Variants in ZFHX3 observed in about 807,000 individuals in gnomAD.
ZFHX3 encodes zinc finger homeobox protein 3.
A neutral mutation model predicts 279.1 loss-of-function variants in ZFHX3; 42 were observed. The observed-to-expected ratio is 0.15, with a 90% CI of 0.12 to 0.19. ZFHX3 has a LOEUF of 0.19. ZFHX3 is among the 10% of genes least tolerant of loss of function. ZFHX3 has a pLI of 1.00. For missense variants in ZFHX3, 4,981 were observed against 4,754.0 expected, an observed-to-expected ratio of 1.05 and a Z score of -1.40; for synonymous variants, 2,293 against 1,957.8, an observed-to-expected ratio of 1.17 and a Z score of -4.52.
At chr16:72,870,408 A>G (rs918367879) in intron 4 of ZFHX3, among the ~76,000 whole-genome samples, 3 of 150,868 alleles carry the variant, frequency 2.0e-5, no homozygotes, top group African/African-American at 7.3e-5. Flanking sequence ...TTTAAAAAAA[A>G]AGAAAAAAGA....
At chr16:73,835,125 C>A (rs1308153612) in intron 1 of ZFHX3, among the ~76,000 whole-genome samples, 1 of 152,148 alleles carries the variant, frequency 6.6e-6, no homozygotes, top group Non-Finnish European at 1.5e-5. Flanking sequence ...ACAAAAACAA[C>A]ATCTGAAGCA....
chr16:73,510,216 C>T (rs927140653), intron 2 of ZFHX3, among the ~76,000 whole-genome samples: 6 of 152,152 alleles, frequency 3.9e-5, no homozygotes, highest in African/African-American at 1.4e-4. Context: ...TAATTCTGCC[C>T]ATAGCATTAT....
intron 1 of ZFHX3, among the ~76,000 whole-genome samples, chr16:73,701,908 C>T (rs1374519724): frequency 6.6e-6 from 1 of 151,420 alleles, no homozygotes. Flanking sequence ...AGTATGTGGG[C>T]GATTTCTATC....
chr16:73,122,371 T>C (rs1966509485), intron 7 of ZFHX3, among the ~76,000 whole-genome samples: 1 of 150,244 alleles, frequency 6.7e-6, no homozygotes. Flanking sequence ...CTAATTTTTG[T>C]ATTTTTTTTT....
At chr16:73,660,311 C>G (rs755427803) in intron 2 of ZFHX3, among the ~76,000 whole-genome samples, 3 of 152,204 alleles carry the variant, frequency 2.0e-5, no homozygotes, top group Non-Finnish European at 4.4e-5. Context: ...CAGCATTTAA[C>G]TTTCCTTTAG....
At chr16:73,813,862 G>C (rs1320016745) in intron 1 of ZFHX3, 1 of 152,264 alleles carries the variant, frequency 6.6e-6, no homozygotes, top group Non-Finnish European at 1.5e-5. Flanking sequence ...CTGCAGGCAA[G>C]ATTTGTTCCC....
In ZFHX3 at chr16:73,775,156, G is replaced by A. The variant is rs146796341; in HGVS notation, c.-1607-94916C>T. ...GGTACTCCTATGGGAAAGCGCCGTT[G>A]AGAATATCCTTCTCAGGTTTAGCAC... On this transcript the variant is annotated intron_variant, in intron 1 of 17. Coordinates refer to the ZFHX3 transcript ENST00000641206. Among the ~76,000 whole-genome samples, 448 of 152,310 alleles carry A rather than the reference G, an allele frequency of 2.9e-3. 4 individuals carry two copies. Among genetic ancestry groups the A allele is most frequent in the African/African-American group, 0.011 (440 of 41,562 alleles).
At chr16:72,982,941 G>A (rs1033244750) in intron 1 of ZFHX3, among the ~76,000 whole-genome samples, 2 of 152,184 alleles carry the variant, frequency 1.3e-5, no homozygotes, top group East Asian at 3.9e-4. Context: ...TCATGTCAAC[G>A]CAGAGTTCAG....
At chr16:73,147,020 G>C (rs1324945181) in intron 5 of ZFHX3, among the ~76,000 whole-genome samples, 4 of 152,176 alleles carry the variant, frequency 2.6e-5, no homozygotes, top group Non-Finnish European at 4.4e-5. Context: ...GGAGAAAAGT[G>C]AGGTTGGGAA....
chr16:73,678,148 T>C (rs2052973352), intron 2 of ZFHX3, among the ~76,000 whole-genome samples: 1 of 152,128 alleles, frequency 6.6e-6, no homozygotes, highest in Non-Finnish European at 1.5e-5. Context: ...TACAGGAAAT[T>C]ATTTATATTA....
intron 2 of ZFHX3, among the ~76,000 whole-genome samples, chr16:73,489,036 G>C (rs2143642485): frequency 6.6e-6 from 1 of 152,230 alleles, no homozygotes; most frequent in East Asian, 1.9e-4. Context: ...AAGTTGCTAT[G>C]ATTATTTTCG....
intron 4 of ZFHX3, among the ~76,000 whole-genome samples, chr16:72,855,008 G>C (rs967463727): frequency 1.3e-5 from 2 of 152,060 alleles, no homozygotes; most frequent in Non-Finnish European, 2.9e-5. Flanking sequence ...CCATCTGAGG[G>C]CAATGGGGAG....
chr16:73,289,898 C>T (rs2014724366), intron 4 of ZFHX3, among the ~76,000 whole-genome samples: 1 of 152,070 alleles, frequency 6.6e-6, no homozygotes, highest in African/African-American at 2.4e-5. Flanking sequence ...GTCAAGTCAC[C>T]CGGGGCCCCT....
intron 1 of ZFHX3, among the ~76,000 whole-genome samples, chr16:73,849,656 C>T (rs1477798193): frequency 6.6e-6 from 1 of 152,210 alleles, no homozygotes; most frequent in Non-Finnish European, 1.5e-5. Context: ...ACTGAGTCTT[C>T]GAAGATATAT....
At chr16:72,929,890 A>G (rs1236528797) in intron 3 of ZFHX3, among the ~76,000 whole-genome samples, 1 of 152,242 alleles carries the variant, frequency 6.6e-6, no homozygotes, top group Non-Finnish European at 1.5e-5. Context: ...CCCAGCATGA[A>G]AAGGAGGACA....
chr16:73,299,169 C>A (rs966629044), intron 4 of ZFHX3, among the ~76,000 whole-genome samples: 2 of 152,186 alleles, frequency 1.3e-5, no homozygotes, highest in Admixed American at 6.5e-5. Context: ...AGTCCTTAGA[C>A]AATCTAGTAC....
rs1289295486 is a variant in ZFHX3 at position 72,958,804 on chromosome 16, C to A, written c.1342G>T (p.Asp448Tyr). 6.2e-7 allele frequency: 1 copy of A among 1,614,176 alleles called. No homozygotes were observed. Among genetic ancestry groups the A allele is most frequent in the South Asian group, 1.1e-5 (1 of 91,076 alleles). ...ACCTTCTCAGAGAAGCAATCCCCGTCGCCCACTTCCTGCTTCTCTCCTTCT... is the reference window on the plus strand; with the variant it reads ...ACCTTCTCAGAGAAGCAATCCCCGTAGCCCACTTCCTGCTTCTCTCCTTCT... ...AAEGEKQEVG[D>Y]GDCFSEKVEP... is the part of the protein sequence containing the mutation. Residue 448 changes from aspartate to tyrosine, a missense_variant, in exon 2 of 10, where the codon GAC becomes TAC. By Grantham distance (160) the Asp-to-Tyr change is radical. This residue lies in a region of ZFHX3 where 1,068 missense variants were observed against 935.2 expected (regional missense o/e 1.14). Transcript: ENST00000268489.
chr16:73,622,565 A>AAAAGAAAGAAAG (rs143963139), intron 2 of ZFHX3, among the ~76,000 whole-genome samples: 274 of 151,402 alleles, frequency 1.8e-3, no homozygotes, highest in African/African-American at 6.4e-3. Context: ...CTGTCTCCAA[A>AAAAGAAAGAAAG]AAAGAAAGAA....
At chr16:73,075,305 A>G (rs1362917973) in intron 8 of ZFHX3, among the ~76,000 whole-genome samples, 1 of 141,122 alleles carries the variant, frequency 7.1e-6, no homozygotes, top group Admixed American at 7.0e-5. Context: ...CAACAAGAGA[A>G]TGATCCCCAA....
Sources: allele counts gnomAD v4.1 joint callset (sites outside exome capture counted in the v4.1 genomes callset), GRCh38; gene constraint gnomAD v4.1.1; regional missense constraint gnomAD v4.1.1; transcripts MANE v1.5; gene names NCBI Gene and HGNC (gene_info 2026-07-23, HGNC 2026-07-21).